Variants in LY6G6D observed in about 807,000 individuals in gnomAD.
LY6G6D encodes lymphocyte antigen 6 complex locus protein G6d.
Under a neutral mutation model 8.5 loss-of-function variants are expected in LY6G6D, and 5 were observed. The ratio of observed to expected loss-of-function variants is 0.59; its 90% CI spans 0.31 to 1.24. LY6G6D has a LOEUF of 1.24. Ranked by LOEUF, LY6G6D falls within the 50% of genes most tolerant of loss-of-function variation. LY6G6D has a pLI of 0.07. For synonymous variants in LY6G6D, 65 were observed against 69.6 expected (o/e 0.93, Z 0.33); for missense variants, 154 against 170.4 (o/e 0.90, Z 0.53).
In LY6G6D at chr6:31,716,892, A is replaced by G. The variant is rs925476739; in HGVS notation, c.179-689A>G. On this transcript the variant is annotated intron_variant, in intron 2 of 2. Transcript: ENST00000375825. This position sits in a 1 kb window ranked among gnomAD's most constrained non-coding sequence, Gnocchi z 5.1. ...TAGGGAGGTATGATTGCACCACCAC[A>G]CTCCAGCCTGAGTGAGAGAGCAAGA... Among the ~76,000 whole-genome samples the G allele has an allele frequency of 6.6e-6, 1 of 152,094 alleles. No individual in the cohort carries two copies. The highest frequency in any genetic ancestry group is 2.4e-5 in the African/African-American group (1 of 41,398).
chr6:31,717,394 C>A lies in LY6G6D; in HGVS notation c.179-187C>A. On this transcript the variant is annotated intron_variant, in intron 2 of 2. Coordinates refer to ENST00000375825, the MANE Select transcript of LY6G6D (RefSeq NM_021246.4). This position sits in a 1 kb window ranked among gnomAD's most constrained non-coding sequence, Gnocchi z 5.0. ...GAATACTGCAGAAGTGATGTTGCATCCTTCTTGCTGCATCACATCAGGAGT... is the reference window on the plus strand; with the variant it reads ...GAATACTGCAGAAGTGATGTTGCATACTTCTTGCTGCATCACATCAGGAGT... The A allele has an allele frequency of 7.0e-7, 1 of 1,437,950 alleles. No individual in the cohort carries two copies. The highest frequency in any genetic ancestry group is 9.4e-7 in the Non-Finnish European group (1 of 1,060,258). 89.1% of individuals were successfully genotyped at this position (1,437,950 alleles called of 1,614,324 possible). A position where few individuals can be genotyped will look rare whatever the true frequency, so the allele number is the denominator to read the frequency against.
At chr6:31,715,651 A>G (rs762532500) in intron 2 of LY6G6D, 27 bp downstream of exon 2, 3 of 1,607,480 alleles carry the variant, frequency 1.9e-6, no homozygotes, top group Non-Finnish European at 2.6e-6. Context: ...TCCCTCTTCC[A>G]GCAGCCTTTC....
chr6:31,715,766 C>A, intron 2 of LY6G6D, 142 bp downstream of exon 2: 1 of 1,283,100 alleles, frequency 7.8e-7, no homozygotes, highest in Non-Finnish European at 1.0e-6. Flanking sequence ...GTCTGTACCC[C>A]TTCTGGCTCC....
rs1024897607 is a variant in LY6G6D at position 31,716,853 on chromosome 6, G to C, written c.179-728G>C. On this transcript the variant is annotated intron_variant, in intron 2 of 2. Transcript: ENST00000375825. The surrounding 1 kb of genome is among the most constrained non-coding windows in gnomAD (Gnocchi z 5.1). ...GAGGCAGGAGGATTACTTGAGCCCAGGAGTTTGAGGCTATAGGGAGGTATG... is the reference window on the plus strand; with the variant it reads ...GAGGCAGGAGGATTACTTGAGCCCACGAGTTTGAGGCTATAGGGAGGTATG... Among the ~76,000 whole-genome samples the C allele has an allele frequency of 6.6e-6, 1 of 152,108 alleles. No individual in the cohort carries two copies. Among genetic ancestry groups the C allele is most frequent in the African/African-American group, 2.4e-5 (1 of 41,406 alleles).
chr6:31,715,764 C>A, intron 2 of LY6G6D, 140 bp downstream of exon 2: 1 of 1,309,804 alleles, frequency 7.6e-7, no homozygotes, highest in South Asian at 1.6e-5. Context: ...CAGTCTGTAC[C>A]CCTTCTGGCT....
Position 31,717,249 on chromosome 6 carries a change from C to T in LY6G6D, c.179-332C>T, listed in dbSNP as rs1052597746. On this transcript the variant is annotated intron_variant, in intron 2 of 2. Coordinates refer to ENST00000375825, the MANE Select transcript of LY6G6D (RefSeq NM_021246.4). The surrounding 1 kb of genome is among the most constrained non-coding windows in gnomAD (Gnocchi z 5.0). ...GGGCAATAAGAGTGAAACTCCGTCT[C>T]AAAAAAAAAAAAAAAATTACAGATA... Among the ~76,000 whole-genome samples the T allele has an allele frequency of 1.1e-5, 1 of 92,318 alleles. No individual in the cohort carries two copies. The highest frequency in any genetic ancestry group is 2.3e-5 in the Non-Finnish European group (1 of 42,580). 60.6% of individuals were successfully genotyped at this position (92,318 alleles called of 152,430 possible).
chr6:31,717,697 G>A lies in LY6G6D; in HGVS notation c.295G>A (p.Gly99Arg). The change falls in exon 3 of 3, where the codon GGA becomes AGA. Residue 99 changes from glycine (G) to arginine (R), a missense_variant. Gly to Arg is a moderately radical substitution (Grantham distance 125). Transcript: ENST00000375825. The surrounding 1 kb of genome is among the most constrained non-coding windows in gnomAD (Gnocchi z 5.0). The part of the protein sequence containing the change: ...TYPAHRDCYL[G>R]DLCNSAVASH... ...TCCAGCCCACAGGGACTGCTACCTG[G>A]GAGACCTGTGCAACAGCGCCGTGGC... 6.2e-7 allele frequency: 1 copy of A among 1,614,214 alleles called. No homozygotes were observed. Among genetic ancestry groups the A allele is most frequent in the Non-Finnish European group, 8.5e-7 (1 of 1,180,038 alleles).
At position 31,717,811 on chromosome 6, in the gene LY6G6D, T is replaced by G; in HGVS notation, c.*7T>G. ...AGGACTGTGGAGCGGATAGGGGGAGTAGGAGTAGAGAAGGGAACAAGGGAG... is the reference window on the plus strand; with the variant it reads ...AGGACTGTGGAGCGGATAGGGGGAGGAGGAGTAGAGAAGGGAACAAGGGAG... On this transcript the variant is annotated 3_prime_UTR_variant, in exon 3 of 3. Coordinates refer to ENST00000375825, the MANE Select transcript of LY6G6D (RefSeq NM_021246.4). The surrounding 1 kb of genome is among the most constrained non-coding windows in gnomAD (Gnocchi z 5.0). The G allele has an allele frequency of 1.2e-6, 2 of 1,605,402 alleles. No homozygotes were observed. The highest frequency in any genetic ancestry group is 2.7e-5 in the African/African-American group (2 of 74,530).
In LY6G6D at chr6:31,717,681, C is replaced by G; in HGVS notation, c.279C>G (p.His93Gln). The G allele has an allele frequency of 6.2e-7, 1 of 1,614,202 alleles. No individual in the cohort carries two copies. Among genetic ancestry groups the G allele is most frequent in the Non-Finnish European group, 8.5e-7 (1 of 1,180,042 alleles). Residue 93 changes from histidine (H) to glutamine (Q), a missense_variant, in exon 3 of 3, where the codon CAC (histidine) becomes CAG (glutamine). Transcript: ENST00000375825. The surrounding 1 kb of genome is among the most constrained non-coding windows in gnomAD (Gnocchi z 5.0). Reference sequence around the variant, plus strand: ...TGGGAGACGTGACTTATCCAGCCCACAGGGACTGCTACCTGGGAGACCTGT... The same window carrying G: ...TGGGAGACGTGACTTATCCAGCCCAGAGGGACTGCTACCTGGGAGACCTGT... ...ESVGDVTYPA[H>Q]RDCYLGDLCN...
Position 31,716,644 on chromosome 6 carries a change from G to A in LY6G6D, c.179-937G>A, listed in dbSNP as rs948217963. Among the ~76,000 whole-genome samples, 4 of 151,266 alleles carry A rather than the reference G, an allele frequency of 2.6e-5. No homozygotes were observed. Among genetic ancestry groups the A allele is most frequent in the Non-Finnish European group, 2.9e-5 (2 of 67,836 alleles). ...AATAATAATAATAATTTTTAGGCTA[G>A]GCTTGGTGGCACACACTTGTAATCC... On this transcript the variant is annotated intron_variant, in intron 2 of 2. Coordinates refer to ENST00000375825, the MANE Select transcript of LY6G6D (RefSeq NM_021246.4). This position sits in a 1 kb window ranked among gnomAD's most constrained non-coding sequence, Gnocchi z 5.1.
At chr6:31,715,733 G>T in intron 2 of LY6G6D, 109 bp downstream of exon 2, 1 of 1,487,364 alleles carries the variant, frequency 6.7e-7, no homozygotes. Context: ...CTGGGCAGAT[G>T]GTGCAGCTGT....
Position 31,716,484 on chromosome 6 carries a change from A to C in LY6G6D, c.178+860A>C, listed in dbSNP as rs2151290099. On this transcript the variant is annotated intron_variant, in intron 2 of 2. Coordinates refer to ENST00000375825, the MANE Select transcript of LY6G6D (RefSeq NM_021246.4). The surrounding 1 kb of genome is among the most constrained non-coding windows in gnomAD (Gnocchi z 5.1). ...AAAAATTAGTTGGGTGTGGTGGCAC[A>C]TGCTTGTAGTCCTAGCTACTCAGGG... Among the ~76,000 whole-genome samples the C allele has an allele frequency of 6.6e-6, 1 of 152,240 alleles. No homozygotes were observed. The highest frequency in any genetic ancestry group is 2.4e-5 in the African/African-American group (1 of 41,530).
rs1265516397 is a variant in LY6G6D at position 31,717,621 on chromosome 6, A to G, written c.219A>G (p.Ala73=). ...TTCACCAACATCCAGCCTGCGTCGC[A>G]GCCCATCATTGCAATCAAGTGGAGA... The part of the protein sequence containing the change: ...TLIHQHPACV[A]AHHCNQVETE... Residue 73 remains alanine (A), a synonymous_variant, in exon 3 of 3, where the codon GCA becomes GCG. Transcript: ENST00000375825. This position sits in a 1 kb window ranked among gnomAD's most constrained non-coding sequence, Gnocchi z 5.0. 1 of 1,614,212 alleles carries G rather than the reference A, an allele frequency of 6.2e-7. No individual in the cohort carries two copies. Among genetic ancestry groups the G allele is most frequent in the Non-Finnish European group, 8.5e-7 (1 of 1,180,044 alleles).
Position 31,716,981 on chromosome 6 carries a change from T to C in LY6G6D, c.179-600T>C, listed in dbSNP as rs370365701. On this transcript the variant is annotated intron_variant, in intron 2 of 2. Transcript: ENST00000375825. This position sits in a 1 kb window ranked among gnomAD's most constrained non-coding sequence, Gnocchi z 5.1. ...AACAAAAATTACGTGCCGGATGCAG[T>C]GGCTCACGCCTGTAATCCCAGCACT... Among the ~76,000 whole-genome samples the C allele has an allele frequency of 1.3e-5, 2 of 152,148 alleles. No individual in the cohort carries two copies. The highest frequency in any genetic ancestry group is 4.8e-5 in the African/African-American group (2 of 41,436).
Position 31,715,487 on chromosome 6 carries a change from CTT to C in LY6G6D, c.56-12_56-11del, listed in dbSNP as rs765336140. 6.2e-7 allele frequency: 1 copy of C among 1,611,648 alleles called. No homozygotes were observed. The highest frequency in any genetic ancestry group is 8.5e-7 in the Non-Finnish European group (1 of 1,178,782). On this transcript the variant is annotated splice_polypyrimidine_tract_variant and intron_variant, in intron 1 of 2. Coordinates refer to ENST00000375825, the MANE Select transcript of LY6G6D (RefSeq NM_021246.4). ...CACCGAGGGCCCAGGTCCAGCGCCT[CTT>C]TTCTCCTGCCAGGAAACCGAATGCG...
rs148232713 is a variant in LY6G6D at position 31,715,354 on chromosome 6, C to T, written c.-2C>T. On this transcript the variant is annotated 5_prime_UTR_variant, in exon 1 of 3. Transcript: ENST00000375825. ...AGGCGGTCCTGACACGGGCAGACTG[C>T]GATGAAACCCCAGTTTGTTGGGATC... 5.9e-5 allele frequency: 94 copies of T among 1,596,188 alleles called. 1 individual carries two copies. The highest frequency in any genetic ancestry group is 3.2e-4 in the Admixed American group (19 of 58,642).
Sources: allele counts gnomAD v4.1 joint callset (sites outside exome capture counted in the v4.1 genomes callset), GRCh38; gene constraint gnomAD v4.1.1; non-coding constraint Gnocchi (gnomAD v3.1); transcripts MANE v1.5; gene names NCBI Gene and HGNC (gene_info 2026-07-23, HGNC 2026-07-21).